The following CTNNA3 variants were observed in gnomAD, a reference collection of about 807,000 sequenced individuals.
CTNNA3 encodes catenin alpha 3.
Under a neutral mutation model 95.7 loss-of-function variants are expected in CTNNA3, and 76 were observed. That is an observed-to-expected ratio of 0.79 (90% confidence interval 0.66 to 0.96). CTNNA3 has a LOEUF of 0.96. Among genes scored for constraint, CTNNA3 ranks in the 40% least tolerant of loss-of-function variants. The pLI is 0.00. For synonymous variants in CTNNA3, 431 were observed against 374.4 expected, an observed-to-expected ratio of 1.15 and a Z score of -1.74; for missense variants, 1,191 against 1,089.8, an observed-to-expected ratio of 1.09 and a Z score of -1.31.
intron 7 of CTNNA3, among the ~76,000 whole-genome samples, chr10:67,157,787 T>C (rs1051790936): frequency 6.6e-6 from 1 of 152,102 alleles, no homozygotes; most frequent in Non-Finnish European, 1.5e-5. Flanking sequence ...ACAGAGCCAG[T>C]TCCTGATGAA....
chr10:67,020,108 T>TA (rs1484801606), intron 7 of CTNNA3, among the ~76,000 whole-genome samples: 3 of 152,140 alleles, frequency 2.0e-5, no homozygotes, highest in Non-Finnish European at 4.4e-5. Flanking sequence ...CGCCTTACAA[T>TA]AAAAAACATG....
intron 13 of CTNNA3, among the ~76,000 whole-genome samples, chr10:66,164,595 G>A (rs1000349085): frequency 2.0e-5 from 3 of 151,740 alleles, no homozygotes; most frequent in African/African-American, 7.3e-5. Context: ...CACAGAGTCT[G>A]TCTGAGAATT....
At chr10:66,186,286 GT>G (rs2086340175) in intron 13 of CTNNA3, among the ~76,000 whole-genome samples, 1 of 149,462 alleles carries the variant, frequency 6.7e-6, no homozygotes, top group Admixed American at 6.6e-5. Flanking sequence ...ATGTGAGTGT[GT>G]GTGTGTGTGT....
At chr10:67,631,339 T>C (rs1426959559) in intron 2 of CTNNA3, among the ~76,000 whole-genome samples, 7 of 151,516 alleles carry the variant, frequency 4.6e-5, no homozygotes, top group Non-Finnish European at 1.0e-4. Context: ...TCAGGTTTGG[T>C]AGGGAAGAAT....
intron 15 of CTNNA3, among the ~76,000 whole-genome samples, chr10:66,001,738 T>G (rs2078773314): frequency 6.6e-6 from 1 of 152,270 alleles, no homozygotes; most frequent in South Asian, 2.1e-4. Context: ...TCATTTTATT[T>G]ACTTATTTTT....
chr10:66,838,534 C>A (rs7902091), intron 7 of CTNNA3, among the ~76,000 whole-genome samples: 44,283 of 151,688 alleles, frequency 0.29, 7,936 homozygotes, highest in African/African-American at 0.48. Flanking sequence ...GGTGAAGCCA[C>A]GTCTAAATTC....
At chr10:66,965,100 A>G (rs949360801) in intron 7 of CTNNA3, among the ~76,000 whole-genome samples, 1 of 152,182 alleles carries the variant, frequency 6.6e-6, no homozygotes, top group Non-Finnish European at 1.5e-5. Flanking sequence ...GTGAGGGCCA[A>G]CTGTGGGTCA....
intron 2 of CTNNA3, among the ~76,000 whole-genome samples, chr10:67,622,193 G>A (rs1490415128): frequency 6.6e-6 from 1 of 152,188 alleles, no homozygotes; most frequent in Non-Finnish European, 1.5e-5. Context: ...CTTTCAGCCA[G>A]CTGAAGCACA....
At chr10:66,824,651 G>C (rs555891623) in intron 7 of CTNNA3, among the ~76,000 whole-genome samples, 1 of 152,124 alleles carries the variant, frequency 6.6e-6, no homozygotes, top group Non-Finnish European at 1.5e-5. Context: ...ACTTCCATTT[G>C]TTTCTTCAAA....
chr10:67,727,117 G>T (rs553354223), intron 1 of CTNNA3, among the ~76,000 whole-genome samples: 3,373 of 103,982 alleles, frequency 0.032, 63 homozygotes, highest in Middle Eastern at 0.095. Flanking sequence ...ATACATATAT[G>T]ATATAATTAT....
chr10:66,970,925 C>T (rs1005072151), intron 7 of CTNNA3, among the ~76,000 whole-genome samples: 6 of 152,084 alleles, frequency 3.9e-5, no homozygotes, highest in Non-Finnish European at 7.4e-5. Flanking sequence ...TTCCCTCAAC[C>T]AAGTGAAATA....
At chr10:66,165,960 G>A (rs1315684375) in intron 13 of CTNNA3, among the ~76,000 whole-genome samples, 6 of 151,706 alleles carry the variant, frequency 4.0e-5, no homozygotes, top group Non-Finnish European at 8.8e-5. Context: ...TAGAGATGGG[G>A]TTTCACCATC....
chr10:67,397,905 C>A (rs564066771), intron 5 of CTNNA3, among the ~76,000 whole-genome samples: 28 of 152,260 alleles, frequency 1.8e-4, no homozygotes, highest in African/African-American at 6.3e-4. Flanking sequence ...TGTGGGTGCA[C>A]AGAAGTCAAA....
intron 1 of CTNNA3, among the ~76,000 whole-genome samples, chr10:67,734,766 G>A (rs764601001): frequency 6.6e-6 from 1 of 152,010 alleles, no homozygotes; most frequent in Non-Finnish European, 1.5e-5. Context: ...CTTGTCCCAG[G>A]GAAATAATCA....
chr10:66,469,711 G>T lies in CTNNA3; in HGVS notation c.1531+50906C>A, dbSNP rs931862148. Among the ~76,000 whole-genome samples, 4 of 151,738 alleles carry T rather than the reference G, an allele frequency of 2.6e-5. 1 individual carries two copies. The highest frequency in any genetic ancestry group is 4.4e-5 in the Non-Finnish European group (3 of 67,858). On this transcript the variant is annotated intron_variant, in intron 11 of 17. Transcript: ENST00000433211. Reference sequence around the variant, plus strand: ...TGCACCAGTTGAGGGCTGTTATTGTGATTAAGGTGAAGGATAATGGAAGCT... The same window carrying T: ...TGCACCAGTTGAGGGCTGTTATTGTTATTAAGGTGAAGGATAATGGAAGCT...
At chr10:66,709,950 A>G (rs10997328) in intron 9 of CTNNA3, among the ~76,000 whole-genome samples, 4,974 of 152,222 alleles carry the variant, frequency 0.033, 211 homozygotes, top group East Asian at 0.22. Flanking sequence ...TAAGAAAGAA[A>G]CTAATAACAC....
chr10:65,958,403 A>T, intron 17 of CTNNA3, among the ~76,000 whole-genome samples: 1 of 152,128 alleles, frequency 6.6e-6, no homozygotes, highest in East Asian at 1.9e-4. Flanking sequence ...CGTCAAAGTC[A>T]TTCCCCGTCC....
Position 66,303,716 on chromosome 10 carries a change from C to T in CTNNA3, c.1733-23095G>A, listed in dbSNP as rs973322687. Among the ~76,000 whole-genome samples, 10 of 152,222 alleles carry T rather than the reference C, an allele frequency of 6.6e-5. No homozygotes were observed. The East Asian group carries it at 1.5e-3, about 24-fold the overall frequency. The stretch of plus-strand genomic sequence containing the variant: ...GTGGCGCGATCTCAGCTCACTGCAA[C>T]CTCCTGTCCCCGGGTTCAAGCGATT... On this transcript the variant is annotated intron_variant, in intron 12 of 17. Transcript: ENST00000433211.
chr10:66,185,377 A>G (rs2086278015), intron 13 of CTNNA3, among the ~76,000 whole-genome samples: 1 of 152,124 alleles, frequency 6.6e-6, no homozygotes, highest in African/African-American at 2.4e-5. Flanking sequence ...CCTTTTAAAA[A>G]TGCTTCAAAG....
Sources: allele counts gnomAD v4.1 joint callset (sites outside exome capture counted in the v4.1 genomes callset), GRCh38; gene constraint gnomAD v4.1.1; transcripts MANE v1.5; gene names NCBI Gene and HGNC (gene_info 2026-07-23, HGNC 2026-07-21).